The following PTPRN2 variants were observed in gnomAD, a reference collection of about 807,000 sequenced individuals.
The protein encoded by PTPRN2 is receptor-type tyrosine-protein phosphatase N2.
Under a neutral mutation model 118.8 loss-of-function variants are expected in PTPRN2, and 74 were observed. The ratio of observed to expected loss-of-function variants is 0.62; its 90% CI spans 0.52 to 0.76. PTPRN2 has a LOEUF of 0.76. PTPRN2 is among the 30% of genes least tolerant of loss of function. PTPRN2 has a pLI of 0.00. For missense variants in PTPRN2, 1,481 were observed against 1,394.4 expected (o/e 1.06, Z -0.99); for synonymous variants, 641 against 608.0 (o/e 1.05, Z -0.80).
rs758765905 is a variant in PTPRN2, at chr7:158,205,123, T to A, written c.380+48A>T. Reference sequence around the variant, plus strand: ...AAACAAATAATAAGTGTAATGGCTATGGACTGTGTCCTGGGAGCAAGGAGC... The same window carrying A: ...AAACAAATAATAAGTGTAATGGCTAAGGACTGTGTCCTGGGAGCAAGGAGC... On this transcript the variant is annotated intron_variant, in intron 4 of 22. Transcript: ENST00000389418. The A allele has an allele frequency of 6.3e-5, 89 of 1,411,024 alleles. 1 individual carries two copies. The South Asian group carries it at 6.9e-4, about 11-fold the overall frequency. The allele number at this position is 1,411,024 out of a possible 1,614,324, so 87.4% of individuals were successfully genotyped here.
At chr7:157,772,578 G>T (rs1184362013) in intron 12 of PTPRN2, among the ~76,000 whole-genome samples, 1 of 152,196 alleles carries the variant, frequency 6.6e-6, no homozygotes, top group African/African-American at 2.4e-5. Flanking sequence ...GAACGACTGT[G>T]ACCTGGGCGA....
intron 11 of PTPRN2, among the ~76,000 whole-genome samples, chr7:157,945,713 G>C (rs370442533): frequency 6.6e-6 from 1 of 150,516 alleles, no homozygotes; most frequent in African/African-American, 2.5e-5. Context: ...CTCCAACTTG[G>C]ATGATGCCAC....
intron 14 of PTPRN2, among the ~76,000 whole-genome samples, chr7:157,640,724 A>G (rs918210241): frequency 5.3e-5 from 8 of 152,234 alleles, no homozygotes; most frequent in Non-Finnish European, 8.8e-5. Context: ...CCGACCAGCA[A>G]CAGACAGTCT....
At chr7:158,120,727 G>T (rs1427125346) in intron 9 of PTPRN2, among the ~76,000 whole-genome samples, 1 of 152,208 alleles carries the variant, frequency 6.6e-6, no homozygotes, top group Non-Finnish European at 1.5e-5. Flanking sequence ...CTCTAACCCA[G>T]GTCAGCTCCT....
chr7:157,761,668 A>G (rs1802138478), intron 12 of PTPRN2, among the ~76,000 whole-genome samples: 1 of 148,548 alleles, frequency 6.7e-6, no homozygotes, highest in Admixed American at 6.7e-5. Flanking sequence ...CCTAGGCATT[A>G]CCATTCAGGA....
intron 12 of PTPRN2, among the ~76,000 whole-genome samples, chr7:157,772,290 A>AAGACAT (rs1563092016): frequency 5.8e-5 from 7 of 121,416 alleles, no homozygotes; most frequent in African/African-American, 1.2e-4. Flanking sequence ...CAGACACACA[A>AAGACAT]ACACACAGAC....
chr7:158,070,201 AG>A (rs1811093377), intron 11 of PTPRN2, among the ~76,000 whole-genome samples: 1 of 152,212 alleles, frequency 6.6e-6, no homozygotes, highest in South Asian at 2.1e-4. Context: ...TAGAGTAAGG[AG>A]GCTCCATTGC....
chr7:158,270,866 ACCGCCCCCT>A (rs1798369166), intron 3 of PTPRN2, among the ~76,000 whole-genome samples: 2 of 17,384 alleles, frequency 1.2e-4, no homozygotes, highest in African/African-American at 2.8e-4. Context: ...CCCCACCTGG[ACCGCCCCCT>A]CCACCTGGAT....
chr7:158,057,307 C>T (rs761885949), intron 11 of PTPRN2, among the ~76,000 whole-genome samples: 9 of 152,206 alleles, frequency 5.9e-5, no homozygotes, highest in Non-Finnish European at 1.0e-4. Context: ...ACTGAATCTC[C>T]TGACAGCCTC....
chr7:158,090,375 C>G (rs1814018641), intron 10 of PTPRN2, among the ~76,000 whole-genome samples: 1 of 152,212 alleles, frequency 6.6e-6, no homozygotes, highest in Admixed American at 6.5e-5. Flanking sequence ...CACTGAGATT[C>G]TACAGAATTC....
intron 12 of PTPRN2, among the ~76,000 whole-genome samples, chr7:157,832,104 C>G (rs981746819): frequency 6.6e-6 from 1 of 152,118 alleles, no homozygotes; most frequent in Non-Finnish European, 1.5e-5. Context: ...CCCGGAAGCT[C>G]GGAGGACATG....
In PTPRN2 at chr7:158,570,606, CCA is replaced by C. The variant is rs757283035; in HGVS notation, c.112+16950_112+16951del. Among the ~76,000 whole-genome samples the C allele has an allele frequency of 5.7e-4, 87 of 152,326 alleles. No individual in the cohort carries two copies. The highest frequency in any genetic ancestry group is 1.2e-3 in the Non-Finnish European group (84 of 68,038). Reference sequence around the variant, plus strand: ...CCGAGTGGCCTGCTAGCCCGCTCTCCCACACAGTCTCCTTGATGTGAAGTGTC... The same window carrying C: ...CCGAGTGGCCTGCTAGCCCGCTCTCCCACAGTCTCCTTGATGTGAAGTGTC... On this transcript the variant is annotated intron_variant, in intron 1 of 22. Coordinates refer to ENST00000389418, the MANE Select transcript of PTPRN2 (RefSeq NM_002847.5). This position sits in a 1 kb window ranked among gnomAD's most constrained non-coding sequence, Gnocchi z 4.5.
At chr7:157,907,191 G>C (rs1053002092) in intron 11 of PTPRN2, among the ~76,000 whole-genome samples, 3 of 152,216 alleles carry the variant, frequency 2.0e-5, no homozygotes, top group African/African-American at 7.2e-5. Context: ...GAGCAGTGTG[G>C]CCCGAGGGTG....
chr7:158,137,236 C>T (rs185383419), intron 7 of PTPRN2, among the ~76,000 whole-genome samples: 1 of 151,904 alleles, frequency 6.6e-6, no homozygotes, highest in Non-Finnish European at 1.5e-5. Flanking sequence ...GGCCAACAGG[C>T]GAAACCCCGT....
At chr7:157,894,219 G>C (rs1269572725) in intron 12 of PTPRN2, among the ~76,000 whole-genome samples, 3 of 152,214 alleles carry the variant, frequency 2.0e-5, no homozygotes, top group Non-Finnish European at 4.4e-5. Flanking sequence ...GAGAGCACAG[G>C]AAGAAAGTGG....
At chr7:158,138,837 G>A (rs1467428308) in intron 6 of PTPRN2, among the ~76,000 whole-genome samples, 1 of 152,192 alleles carries the variant, frequency 6.6e-6, no homozygotes, top group Non-Finnish European at 1.5e-5. Context: ...AGAGAGATGG[G>A]CTAGGCAACT....
At chr7:157,559,840 G>A (rs1192401937) in intron 21 of PTPRN2, among the ~76,000 whole-genome samples, 3 of 151,944 alleles carry the variant, frequency 2.0e-5, no homozygotes, top group Admixed American at 6.6e-5. Context: ...CCCCCGCCCC[G>A]TCTCTCTCCT....
Position 158,262,093 on chromosome 7 carries a change from G to A in PTPRN2, c.277+54726C>T, listed in dbSNP as rs545045194. Among the ~76,000 whole-genome samples the A allele has an allele frequency of 1.2e-4, 18 of 152,232 alleles. No homozygotes were observed. The East Asian group carries it at 3.3e-3, about 28-fold the overall frequency. On this transcript the variant is annotated intron_variant, in intron 3 of 22. Transcript: ENST00000389418. ...TTCCCAGAGCACGAAGAGCTCCTAC[G>A]TCCAGCAGGGGATGTTAAGGGTCAC...
intron 13 of PTPRN2, chr7:157,669,401 C>A: frequency 2.4e-6 from 1 of 424,826 alleles, no homozygotes; most frequent in Non-Finnish European, 4.7e-6. Flanking sequence ...GGACCAAGAA[C>A]AACCCACACA....
Sources: allele counts gnomAD v4.1 joint callset (sites outside exome capture counted in the v4.1 genomes callset), GRCh38; gene constraint gnomAD v4.1.1; non-coding constraint Gnocchi (gnomAD v3.1); transcripts MANE v1.5; gene names NCBI Gene and HGNC (gene_info 2026-07-23, HGNC 2026-07-21).